WNT9B: variants seen among roughly 807,000 people sequenced by gnomAD.
WNT9B encodes Wnt family member 9B, also known as protein Wnt-9b.
WNT9B carries 12 observed loss-of-function variants against 30.2 expected under a neutral mutation model. That is an observed-to-expected ratio of 0.40 (90% CI 0.26 to 0.64). WNT9B has a LOEUF of 0.64. Among genes scored for constraint, WNT9B ranks in the 30% least tolerant of loss-of-function variants. The probability of loss-of-function intolerance (pLI) is 0.42; values close to 1 mark genes in which losing one functional copy is unlikely to be tolerated. For synonymous variants in WNT9B, 218 were observed against 216.9 expected (o/e 1.01, Z -0.05); for missense variants, 442 against 485.2 (o/e 0.91, Z 0.84).
rs1449723607 is a variant in WNT9B, at chr17:46,876,870, C to G, written c.*152C>G. 1.1e-5 allele frequency: 15 copies of G among 1,396,428 alleles called. No individual in the cohort carries two copies. Among genetic ancestry groups the G allele is most frequent in the Non-Finnish European group, 1.3e-5 (14 of 1,071,838 alleles). 86.5% of individuals were successfully genotyped at this position (1,396,428 alleles called of 1,614,324 possible). On this transcript the variant is annotated 3_prime_UTR_variant, in exon 4 of 4. Transcript: ENST00000290015. ...CACGAGTGTGCCACTCACCACCATTCCTTGGCCAGCCTTTTGCCTCCCTCG... is the reference window on the plus strand; with the variant it reads ...CACGAGTGTGCCACTCACCACCATTGCTTGGCCAGCCTTTTGCCTCCCTCG...
At chr17:46,843,331 T>C (rs1332340370) in intron 1 of WNT9B, among the ~76,000 whole-genome samples, 1 of 152,218 alleles carries the variant, frequency 6.6e-6, no homozygotes, top group Admixed American at 6.5e-5. Context: ...GGTGAACCCT[T>C]ATAATTATAA....
chr17:46,833,754 GGAA>G (rs2084586823), intron 1 of WNT9B, among the ~76,000 whole-genome samples: 1 of 152,180 alleles, frequency 6.6e-6, no homozygotes, highest in African/African-American at 2.4e-5. Context: ...GCCTGCCCGG[GGAA>G]GAAGTGAGCC....
intron 1 of WNT9B, among the ~76,000 whole-genome samples, chr17:46,861,300 C>A (rs1223911281): frequency 6.6e-6 from 1 of 152,192 alleles, no homozygotes; most frequent in East Asian, 1.9e-4. Flanking sequence ...TTAGTAGAGA[C>A]CTCGGGGCCC....
chr17:46,839,965 TTTCTTTCTTTCTC>T (rs1407468634), intron 1 of WNT9B, among the ~76,000 whole-genome samples: 148 of 137,412 alleles, frequency 1.1e-3, no homozygotes, highest in Non-Finnish European at 1.8e-3. Flanking sequence ...TCTTTCTTTC[TTTCTTTCTTTCTC>T]TTCTTTCTTT....
intron 1 of WNT9B, among the ~76,000 whole-genome samples, chr17:46,861,251 T>A (rs907236112): frequency 1.4e-4 from 22 of 152,232 alleles, no homozygotes; most frequent in African/African-American, 5.3e-4. Flanking sequence ...TTAGCTAATT[T>A]TTCAGGTGCT....
chr17:46,873,685 C>T (rs1008258399), intron 2 of WNT9B, among the ~76,000 whole-genome samples: 3 of 152,046 alleles, frequency 2.0e-5, no homozygotes, highest in African/African-American at 4.8e-5. Flanking sequence ...ATGATGAAAC[C>T]CCGTCTCTAC....
intron 1 of WNT9B, among the ~76,000 whole-genome samples, chr17:46,856,261 T>G (rs1598842809): frequency 6.6e-6 from 1 of 152,040 alleles, no homozygotes; most frequent in Admixed American, 6.6e-5. Flanking sequence ...ATCTGAGAGG[T>G]GAGGGTGAGG....
At chr17:46,867,185 G>A (rs965801721) in intron 1 of WNT9B, among the ~76,000 whole-genome samples, 6 of 152,252 alleles carry the variant, frequency 3.9e-5, no homozygotes, top group African/African-American at 1.4e-4. Flanking sequence ...CTTCCAGACT[G>A]TGAGCTTCTT....
downstream of WNT9B, among the ~76,000 whole-genome samples, chr17:46,880,979 A>T (rs1241249408): frequency 6.6e-6 from 1 of 152,176 alleles, no homozygotes; most frequent in East Asian, 1.9e-4. Flanking sequence ...TAATAGGAGA[A>T]ATGAGAAGCA....
intron 1 of WNT9B, among the ~76,000 whole-genome samples, chr17:46,865,979 C>T (rs556740997): frequency 7.2e-5 from 11 of 151,972 alleles, no homozygotes; most frequent in Non-Finnish European, 1.2e-4. Flanking sequence ...AATGAATGAG[C>T]GAGTAAGTGA....
chr17:46,875,489 G>T, intron 3 of WNT9B, 123 bp downstream of exon 3: 1 of 1,334,846 alleles, frequency 7.5e-7, no homozygotes, highest in Non-Finnish European at 1.0e-6. Flanking sequence ...CTTCATAAAG[G>T]CAGGATGAAC....
intron 1 of WNT9B, among the ~76,000 whole-genome samples, chr17:46,834,924 G>A (rs573765190): frequency 2.0e-4 from 31 of 152,278 alleles, no homozygotes; most frequent in African/African-American, 7.2e-4. Context: ...ACCTGTCAGT[G>A]TTCCTCCCCC....
At chr17:46,873,086 T>TCACACACA (rs61118325) in intron 2 of WNT9B, among the ~76,000 whole-genome samples, 73 of 139,914 alleles carry the variant, frequency 5.2e-4, no homozygotes, top group South Asian at 3.3e-3. Context: ...CTCTGCCTCT[T>TCACACACA]CACACACACA....
At chr17:46,844,215 CCAGAATGCTAGGATTATAGGCATG>C (rs2146528375) in intron 1 of WNT9B, among the ~76,000 whole-genome samples, 1 of 152,142 alleles carries the variant, frequency 6.6e-6, no homozygotes, top group South Asian at 2.1e-4. Flanking sequence ...CCTCAGTCTC[CCAGAATGCTAGGATTATAGGCATG>C]AGCCACTGTA....
chr17:46,849,574 C>G (rs931383144), upstream of WNT9B, among the ~76,000 whole-genome samples: 3 of 152,216 alleles, frequency 2.0e-5, no homozygotes, highest in Non-Finnish European at 2.9e-5. Flanking sequence ...GGTTCAAAAT[C>G]TTACCAGTGA....
At chr17:46,835,744 T>C (rs894111901) in intron 1 of WNT9B, among the ~76,000 whole-genome samples, 2 of 152,136 alleles carry the variant, frequency 1.3e-5, no homozygotes, top group Admixed American at 6.5e-5. Context: ...GGAGAATACA[T>C]CTCCTAATGC....
intron 1 of WNT9B, among the ~76,000 whole-genome samples, chr17:46,838,279 C>T (rs925695321): frequency 4.6e-5 from 7 of 150,708 alleles, no homozygotes; most frequent in South Asian, 2.1e-4. Context: ...GAGGAACAGC[C>T]GAGTGGGTCA....
chr17:46,851,761 T>C lies in WNT9B; in HGVS notation c.77+46T>C. 9.7e-7 allele frequency: 1 copy of C among 1,026,038 alleles called. No homozygotes were observed. Among genetic ancestry groups the C allele is most frequent in the Non-Finnish European group, 1.3e-6 (1 of 792,924 alleles). The allele number at this position is 1,026,038 out of a possible 1,614,324, so 63.6% of individuals were successfully genotyped here. On this transcript the variant is annotated intron_variant, in intron 1 of 3. Transcript: ENST00000290015. This position sits in a 1 kb window ranked among gnomAD's most constrained non-coding sequence, Gnocchi z 4.3. ...CCGCCCGCTCCCCGGCCTGCCTGTCTCTCCCTCCTGCGCTACAGCTGGGCC... is the reference window on the plus strand; with the variant it reads ...CCGCCCGCTCCCCGGCCTGCCTGTCCCTCCCTCCTGCGCTACAGCTGGGCC...
In WNT9B at chr17:46,851,676, G is replaced by A. The variant is rs1306864439; in HGVS notation, c.38G>A (p.Cys13Tyr). The stretch of plus-strand genomic sequence containing the variant: ...CCCGCGCTGGCCCTGGCCGGGCTCT[G>A]CCTGCTGGCGCTGCCCGCCGCCGCC... Reference protein sequence around the residue: ...PPPALALAGLCLLALPAAAAS... With the variant: ...PPPALALAGLYLLALPAAAAS... Residue 13 changes from cysteine (C) to tyrosine (Y), a missense_variant, in exon 1 of 4, where the codon TGC (cysteine) becomes TAC (tyrosine). Cys to Tyr is a radical substitution (Grantham distance 194). Coordinates refer to ENST00000290015, the MANE Select transcript of WNT9B (RefSeq NM_003396.3). This position sits in a 1 kb window ranked among gnomAD's most constrained non-coding sequence, Gnocchi z 4.3. 3 of 1,307,258 alleles carry A rather than the reference G, an allele frequency of 2.3e-6. No individual in the cohort carries two copies. Among genetic ancestry groups the A allele is most frequent in the Non-Finnish European group, 1.9e-6 (2 of 1,032,524 alleles). 81.0% of individuals were successfully genotyped at this position (1,307,258 alleles called of 1,614,324 possible). A position where few individuals can be genotyped will look rare whatever the true frequency, so the allele number is the denominator to read the frequency against.
Sources: gnomAD v4.1 joint callset for allele counts (sites outside exome capture counted in the v4.1 genomes callset) on GRCh38, gnomAD v4.1.1 for gene constraint, Gnocchi (gnomAD v3.1) non-coding constraint, MANE v1.5 for transcripts, NCBI Gene and HGNC (gene_info 2026-07-23, HGNC 2026-07-21) for gene names.